The following ZZEF1 variants were observed in gnomAD, a reference collection of about 807,000 sequenced individuals.
ZZEF1 encodes the protein zinc finger ZZ-type and EF-hand domain containing 1.
In ZZEF1, 157 loss-of-function variants were observed where a neutral mutation model predicts 342.8. That is an observed-to-expected ratio of 0.46 (90% CI 0.40 to 0.52). The LOEUF is 0.52. Ranked by LOEUF, ZZEF1 falls within the 20% of genes least tolerant of loss-of-function variation. The probability of loss-of-function intolerance (pLI) is 0.00; values close to 1 mark genes in which losing one functional copy is unlikely to be tolerated. For synonymous variants in ZZEF1, 1,505 were observed against 1,429.1 expected (o/e 1.05, Z -1.20); for missense variants, 3,480 against 3,725.6 (o/e 0.93, Z 1.72).
At chr17:4,067,594 A>G (rs2057425726) in intron 26 of ZZEF1, among the ~76,000 whole-genome samples, 1 of 152,244 alleles carries the variant, frequency 6.6e-6, no homozygotes, top group Non-Finnish European at 1.5e-5. Flanking sequence ...AGTTCATGGT[A>G]TATTAAGTAA....
intron 42 of ZZEF1, among the ~76,000 whole-genome samples, chr17:4,028,873 A>C (rs746141118): frequency 4.6e-5 from 7 of 152,256 alleles, no homozygotes; most frequent in Non-Finnish European, 7.3e-5. Context: ...CTCTGAGGAT[A>C]CTAAAGGATG....
chr17:4,100,596 C>T (rs1392250264), intron 9 of ZZEF1, among the ~76,000 whole-genome samples: 2 of 152,106 alleles, frequency 1.3e-5, no homozygotes, highest in Non-Finnish European at 2.9e-5. Flanking sequence ...AAATCCACAT[C>T]CAGCCGGGCA....
intron 39 of ZZEF1, among the ~76,000 whole-genome samples, chr17:4,034,685 T>G (rs1193253216): frequency 6.6e-6 from 1 of 152,196 alleles, no homozygotes; most frequent in East Asian, 1.9e-4. Flanking sequence ...TTTCTATGCA[T>G]ATTTATTTAC....
At chr17:4,041,075 C>T (rs893082989) in intron 39 of ZZEF1, among the ~76,000 whole-genome samples, 2 of 152,142 alleles carry the variant, frequency 1.3e-5, no homozygotes, top group Non-Finnish European at 2.9e-5. Context: ...TTGGGGAGGG[C>T]AGGCAAAGAC....
chr17:4,125,954 C>T (rs1597930869), intron 1 of ZZEF1, among the ~76,000 whole-genome samples: 1 of 152,088 alleles, frequency 6.6e-6, no homozygotes, highest in Middle Eastern at 3.4e-3. Flanking sequence ...AGGCCGGGCG[C>T]GGTGGTTCAC....
At chr17:4,096,828 T>TA in intron 9 of ZZEF1, 128 bp from the exon 10 acceptor site, 1 of 722,720 alleles carries the variant, frequency 1.4e-6, no homozygotes, top group Non-Finnish European at 2.3e-6. Flanking sequence ...TCACGAAAAT[T>TA]AGAGAAAAAT....
chr17:4,116,918 A>G (rs2058403482), intron 3 of ZZEF1, 54 bp downstream of exon 3: 3 of 1,486,014 alleles, frequency 2.0e-6, no homozygotes, highest in Non-Finnish European at 9.0e-7. Flanking sequence ...TACCAACACA[A>G]CAGTTAGAAG....
chr17:4,102,645 GC>G (rs1272229040), intron 8 of ZZEF1, among the ~76,000 whole-genome samples: 19 of 152,322 alleles, frequency 1.2e-4, no homozygotes, highest in Non-Finnish European at 2.2e-4. Context: ...TCCAAGGACA[GC>G]TTTCTAGAAC....
At chr17:4,015,319 G>A (rs2144946831) in intron 49 of ZZEF1, among the ~76,000 whole-genome samples, 1 of 152,200 alleles carries the variant, frequency 6.6e-6, no homozygotes, top group East Asian at 1.9e-4. Context: ...AGAAAGACAG[G>A]TTATACTTCT....
rs767516622 is a variant in ZZEF1 at position 4,021,206 on chromosome 17, T to C, written c.7327A>G (p.Ser2443Gly). 3.1e-5 allele frequency: 50 copies of C among 1,614,246 alleles called. No individual in the cohort carries two copies. The highest frequency in any genetic ancestry group is 4.1e-5 in the Non-Finnish European group (48 of 1,180,046). Residue 2443 changes from serine to glycine, a missense_variant, in exon 45 of 55, where the codon AGC (serine) becomes GGC (glycine). By Grantham distance (56) the Ser-to-Gly change is moderately conservative (BLOSUM62 0). Transcript: ENST00000381638. ...TTCTGCTCTGGGTCGCCAGGGCTGC[T>C]GACTGGCCGTTCCACCTCTTCCTCT... ...DREEEVERPV[S>G]SPGDPEQKKL...
At chr17:4,009,037 C>G (rs753847981) in intron 53 of ZZEF1, 83 bp from the exon 54 acceptor site, 1 of 1,477,774 alleles carries the variant, frequency 6.8e-7, no homozygotes, top group Non-Finnish European at 9.1e-7. Context: ...CACCTGCTTG[C>G]GAAAGCAGAA....
intron 1 of ZZEF1, among the ~76,000 whole-genome samples, chr17:4,140,822 T>C (rs1447419804): frequency 6.6e-6 from 1 of 152,020 alleles, no homozygotes; most frequent in African/African-American, 2.4e-5. Flanking sequence ...TACTTCATAT[T>C]CTCATAATAC....
At chr17:4,044,122 G>C (rs2056859649) in intron 38 of ZZEF1, 102 bp downstream of exon 38, 1 of 1,304,034 alleles carries the variant, frequency 7.7e-7, no homozygotes, top group Non-Finnish European at 1.1e-6. Flanking sequence ...CGCACCCCTG[G>C]CGTCTAGCCA....
rs2056105334 is a variant in ZZEF1, at chr17:4,016,501, C to T, written c.8002-35G>A. 3 of 1,575,728 alleles carry T rather than the reference C, an allele frequency of 1.9e-6. No individual in the cohort carries two copies. Among genetic ancestry groups the T allele is most frequent in the Non-Finnish European group, 2.6e-6 (3 of 1,168,108 alleles). ...AGCAGACAGATAAGGTCAGGGCCTG[C>T]AAGTGGCATCAGGAAGAAGGGACAG... On this transcript the variant is annotated intron_variant, in intron 48 of 54. Coordinates refer to ENST00000381638, the MANE Select transcript of ZZEF1 (RefSeq NM_015113.4). The surrounding 1 kb of genome is among the most constrained non-coding windows in gnomAD (Gnocchi z 4.4).
At chr17:4,121,295 G>A (rs2058478541) in intron 2 of ZZEF1, among the ~76,000 whole-genome samples, 1 of 152,170 alleles carries the variant, frequency 6.6e-6, no homozygotes, top group African/African-American at 2.4e-5. Context: ...ATGCAAAAGT[G>A]GAGTAGTATG....
In ZZEF1 at chr17:4,006,878, C is replaced by A. The variant is rs1396312052; in HGVS notation, c.*12G>T. 5.7e-6 allele frequency: 9 copies of A among 1,575,596 alleles called. No individual in the cohort carries two copies. Among genetic ancestry groups the A allele is most frequent in the Non-Finnish European group, 7.8e-6 (9 of 1,159,060 alleles). On this transcript the variant is annotated 3_prime_UTR_variant, in exon 55 of 55. Coordinates refer to ENST00000381638, the MANE Select transcript of ZZEF1 (RefSeq NM_015113.4). ...GGCAGATGAACTAGTCCCATGCACGCCCCACCAAGGGCTAACACTCCACAT... is the reference window on the plus strand; with the variant it reads ...GGCAGATGAACTAGTCCCATGCACGACCCACCAAGGGCTAACACTCCACAT...
intron 7 of ZZEF1, 79 bp downstream of exon 7, chr17:4,105,614 T>C (rs1192857520): frequency 3.8e-6 from 4 of 1,066,550 alleles, no homozygotes; most frequent in Non-Finnish European, 4.2e-6. Context: ...AAAAGATTAA[T>C]ATATATTTTT....
rs761859086 is a variant in ZZEF1 at position 4,114,456 on chromosome 17, G to A, written c.709C>T (p.Leu237=). Residue 237 remains leucine (L), a synonymous_variant, in exon 4 of 55, where the codon CTA becomes TTA. Transcript: ENST00000381638. ...VQKEKESPGD[L]TRSPEMDKLK... Reference sequence around the variant, plus strand: ...TTATCCATCTCTGGACTTCTAGTTAGATCTCCAGGGCTTTCTGTAGGGGAA... The same window carrying A: ...TTATCCATCTCTGGACTTCTAGTTAAATCTCCAGGGCTTTCTGTAGGGGAA... 6.4e-7 allele frequency: 1 copy of A among 1,565,928 alleles called. No homozygotes were observed.
chr17:4,036,177 A>C (rs970254901), intron 39 of ZZEF1, among the ~76,000 whole-genome samples: 1 of 152,104 alleles, frequency 6.6e-6, no homozygotes, highest in Non-Finnish European at 1.5e-5. Flanking sequence ...TAATTATACG[A>C]AGGATGATGG....
Sources: gnomAD v4.1 joint callset for allele counts (sites outside exome capture counted in the v4.1 genomes callset) on GRCh38, gnomAD v4.1.1 for gene constraint, Gnocchi (gnomAD v3.1) non-coding constraint, MANE v1.5 for transcripts, NCBI Gene and HGNC (gene_info 2026-07-23, HGNC 2026-07-21) for gene names.